The following EBF1 variants were observed in gnomAD, a reference collection of about 807,000 sequenced individuals.
EBF1 encodes the protein EBF transcription factor 1.
In EBF1, 10 loss-of-function variants were observed where a neutral mutation model predicts 68.4. The ratio of observed to expected loss-of-function variants is 0.15; its 90% CI spans 0.09 to 0.25. EBF1 has a LOEUF of 0.25. Ranked by LOEUF, EBF1 falls within the 10% of genes least tolerant of loss-of-function variation. The pLI is 1.00. For synonymous variants in EBF1, 298 were observed against 299.8 expected (o/e 0.99, Z 0.06); for missense variants, 509 against 794.4 (o/e 0.64, Z 4.32).
intron 10 of EBF1, among the ~76,000 whole-genome samples, chr5:158,766,090 G>A (rs544480573): frequency 9.2e-5 from 14 of 152,276 alleles, no homozygotes; most frequent in Admixed American, 2.6e-4. Flanking sequence ...TAATGCTTAC[G>A]GAGGTGCAGA....
intron 6 of EBF1, among the ~76,000 whole-genome samples, chr5:158,895,059 A>G (rs752494137): frequency 1.3e-5 from 2 of 152,204 alleles, no homozygotes; most frequent in Non-Finnish European, 2.9e-5. Context: ...ATTTCAGTCT[A>G]TAAGAATCTT....
rs1317199342 is a variant in EBF1, at chr5:158,696,911, C to CT, written c.*2199dup. The CT allele has an allele frequency of 5.9e-6, 1 of 169,458 alleles. No individual in the cohort carries two copies. The highest frequency in any genetic ancestry group is 1.2e-5 in the Non-Finnish European group (1 of 82,184). 10.5% of individuals were successfully genotyped at this position (169,458 alleles called of 1,614,324 possible). A position where few individuals can be genotyped will look rare whatever the true frequency, so the allele number is the denominator to read the frequency against. On this transcript the variant is annotated 3_prime_UTR_variant, in exon 16 of 16. Coordinates refer to ENST00000313708, the MANE Select transcript of EBF1 (RefSeq NM_024007.5). ...TCGATTTCTTTGTTTTTTTTTTTTT[C>CT]TTTTTTTCTTTTTCTTTTTTCTTAG... is the stretch of plus-strand genomic sequence containing the variant.
chr5:158,773,410 G>A (rs759456673), intron 10 of EBF1, among the ~76,000 whole-genome samples: 3 of 152,140 alleles, frequency 2.0e-5, no homozygotes, highest in Non-Finnish European at 4.4e-5. Context: ...CACAGGAACA[G>A]GAAATTGGGT....
At chr5:158,711,471 T>C (rs73816043) in intron 14 of EBF1, among the ~76,000 whole-genome samples, 7,829 of 152,278 alleles carry the variant, frequency 0.051, 623 homozygotes, top group African/African-American at 0.17. Context: ...ATCTTCTCTA[T>C]GTCTCACAAC....
At chr5:158,703,921 T>C (rs989088387) in intron 15 of EBF1, among the ~76,000 whole-genome samples, 2 of 152,240 alleles carry the variant, frequency 1.3e-5, no homozygotes, top group Admixed American at 1.3e-4. Context: ...CTTCCTTATT[T>C]ACTTTGGTGT....
At chr5:159,049,440 T>G (rs774908451) in intron 6 of EBF1, among the ~76,000 whole-genome samples, 1 of 152,106 alleles carries the variant, frequency 6.6e-6, no homozygotes, top group East Asian at 1.9e-4. Context: ...AAAAATCCAC[T>G]CAAAATGTTT....
At chr5:158,991,537 C>T (rs1029445948) in intron 6 of EBF1, among the ~76,000 whole-genome samples, 5 of 152,288 alleles carry the variant, frequency 3.3e-5, no homozygotes, top group Middle Eastern at 3.4e-3. Flanking sequence ...AGAAGAAGCG[C>T]GCACACACAA....
chr5:158,895,719 G>T (rs1802043919), intron 6 of EBF1, among the ~76,000 whole-genome samples: 1 of 152,144 alleles, frequency 6.6e-6, no homozygotes, highest in African/African-American at 2.4e-5. Context: ...TCTGAAGCCT[G>T]GTAGCCTGAA....
intron 8 of EBF1, among the ~76,000 whole-genome samples, chr5:158,816,880 G>A (rs370998683): frequency 6.6e-6 from 1 of 152,096 alleles, no homozygotes; most frequent in African/African-American, 2.4e-5. Flanking sequence ...AGTAATTAGG[G>A]GGACAGCTCC....
At chr5:158,806,065 T>C (rs1781530499) in intron 8 of EBF1, among the ~76,000 whole-genome samples, 1 of 152,062 alleles carries the variant, frequency 6.6e-6, no homozygotes, top group East Asian at 1.9e-4. Flanking sequence ...CATGTATATA[T>C]CCCTAGAAGC....
At chr5:158,747,510 G>T (rs1043502443) in intron 10 of EBF1, among the ~76,000 whole-genome samples, 1 of 151,990 alleles carries the variant, frequency 6.6e-6, no homozygotes, top group Non-Finnish European at 1.5e-5. Flanking sequence ...ATTACTGCTG[G>T]CCATTTCAAA....
At chr5:159,011,452 C>G (rs949143819) in intron 6 of EBF1, among the ~76,000 whole-genome samples, 8 of 152,146 alleles carry the variant, frequency 5.3e-5, no homozygotes, top group African/African-American at 1.9e-4. Context: ...AAGGACCTTC[C>G]CAGCCCTGCT....
At chr5:158,730,323 G>A (rs1436315375) in intron 11 of EBF1, among the ~76,000 whole-genome samples, 1 of 152,136 alleles carries the variant, frequency 6.6e-6, no homozygotes, top group Non-Finnish European at 1.5e-5. Context: ...GATTAGTTGT[G>A]TTTGGGATTC....
At chr5:158,803,329 G>A (rs1414429489) in intron 8 of EBF1, among the ~76,000 whole-genome samples, 2 of 148,808 alleles carry the variant, frequency 1.3e-5, no homozygotes, top group Non-Finnish European at 3.0e-5. Flanking sequence ...CCTCCTGCTC[G>A]ATCTGAATGC....
chr5:158,708,735 G>C (rs1174615366), intron 14 of EBF1, among the ~76,000 whole-genome samples: 2 of 152,222 alleles, frequency 1.3e-5, no homozygotes, highest in Non-Finnish European at 2.9e-5. Context: ...CTAGGAAAGA[G>C]GCTGGGGTAG....
chr5:158,897,629 T>C (rs770035845), intron 6 of EBF1, among the ~76,000 whole-genome samples: 5 of 152,004 alleles, frequency 3.3e-5, no homozygotes, highest in Non-Finnish European at 7.4e-5. Context: ...ACAGTTAACA[T>C]GCATATGTGA....
At chr5:158,892,939 G>T (rs529644398) in intron 6 of EBF1, among the ~76,000 whole-genome samples, 1 of 151,962 alleles carries the variant, frequency 6.6e-6, no homozygotes, top group Admixed American at 6.6e-5. Context: ...TATACATAAG[G>T]TTATTCCTTT....
intron 6 of EBF1, among the ~76,000 whole-genome samples, chr5:158,927,908 G>A (rs1810022731): frequency 1.3e-5 from 2 of 152,212 alleles, no homozygotes; most frequent in Non-Finnish European, 2.9e-5. Flanking sequence ...TGTTTAAACA[G>A]ATTGCCTAAA....
intron 10 of EBF1, among the ~76,000 whole-genome samples, chr5:158,772,117 G>T (rs1036090013): frequency 2.0e-5 from 3 of 152,148 alleles, no homozygotes; most frequent in Non-Finnish European, 2.9e-5. Flanking sequence ...AGCAAAGAGG[G>T]AAGGTTTCTC....
Sources: allele counts gnomAD v4.1 joint callset (sites outside exome capture counted in the v4.1 genomes callset), GRCh38; gene constraint gnomAD v4.1.1; transcripts MANE v1.5; gene names NCBI Gene and HGNC (gene_info 2026-07-23, HGNC 2026-07-21).